The following COL11A2 variants were observed in gnomAD, a reference collection of about 807,000 sequenced individuals.
COL11A2 encodes the protein collagen type XI alpha 2 chain.
A neutral mutation model predicts 273.4 loss-of-function variants in COL11A2; 116 were observed. The ratio of observed to expected loss-of-function variants is 0.42; its 90% CI spans 0.36 to 0.49. The LOEUF (loss-of-function observed/expected upper bound fraction) is 0.49. COL11A2 is among the 20% of genes least tolerant of loss of function. COL11A2 has a pLI of 0.00. For synonymous variants in COL11A2, 782 were observed against 864.2 expected (o/e 0.90, Z 1.67); for missense variants, 1,866 against 2,309.0 (o/e 0.81, Z 3.93).
chr6:33,179,315 G>A lies in COL11A2; in HGVS notation c.1504-31C>T, dbSNP rs750263013. On this transcript the variant is annotated intron_variant, in intron 14 of 65. Coordinates refer to ENST00000341947, the MANE Select transcript of COL11A2 (RefSeq NM_080680.3). This position sits in a 1 kb window ranked among gnomAD's most constrained non-coding sequence, Gnocchi z 6.4. ...AGAGAGAAGAGAGGATGGCCGTAAG[G>A]AAGGACACAGCCAACAGTGGCCTCG... The A allele has an allele frequency of 5.6e-5, 89 of 1,601,814 alleles. No homozygotes were observed. The highest frequency in any genetic ancestry group is 7.3e-5 in the Non-Finnish European group (86 of 1,175,352).
Position 33,170,647 on chromosome 6 carries a change from C to A in COL11A2, c.3475-37G>T, listed in dbSNP as rs1382576382. 1.2e-6 allele frequency: 2 copies of A among 1,611,750 alleles called. No individual in the cohort carries two copies. Among genetic ancestry groups the A allele is most frequent in the African/African-American group, 2.7e-5 (2 of 74,838 alleles). On this transcript the variant is annotated intron_variant, in intron 46 of 65. Coordinates refer to ENST00000341947, the MANE Select transcript of COL11A2 (RefSeq NM_080680.3). The surrounding 1 kb of genome is among the most constrained non-coding windows in gnomAD (Gnocchi z 4.3). ...TACAAAACATGGGCCCAGGTGACGA[C>A]CCCACCCAAAGCACAGCCCTAGGCA...
chr6:33,169,116 A>T lies in COL11A2; in HGVS notation c.3799-108T>A, dbSNP rs1003817777. The T allele has an allele frequency of 9.1e-7, 1 of 1,096,700 alleles. No individual in the cohort carries two copies. Among genetic ancestry groups the T allele is most frequent in the Non-Finnish European group, 1.3e-6 (1 of 758,070 alleles). 67.9% of individuals were successfully genotyped at this position (1,096,700 alleles called of 1,614,324 possible). A position where few individuals can be genotyped will look rare whatever the true frequency, so the allele number is the denominator to read the frequency against. On this transcript the variant is annotated intron_variant, in intron 51 of 65. Transcript: ENST00000341947. This position sits in a 1 kb window ranked among gnomAD's most constrained non-coding sequence, Gnocchi z 5.5. ...CTCTCTAGAGGCAGTGCCCACCAGT[A>T]CCCCCCAGGAAGAGGTCTCCTGCAC...
chr6:33,189,090 G>T lies in COL11A2; in HGVS notation c.331C>A (p.Gln111Lys). 1 of 1,614,216 alleles carries T rather than the reference G, an allele frequency of 6.2e-7. No individual in the cohort carries two copies. Among genetic ancestry groups the T allele is most frequent in the Non-Finnish European group, 8.5e-7 (1 of 1,180,032 alleles). Residue 111 changes from glutamine (Q) to lysine (K), a missense_variant, in exon 3 of 66, where the codon CAG becomes AAG. Gln to Lys is a moderately conservative substitution (Grantham distance 53). Coordinates refer to ENST00000341947, the MANE Select transcript of COL11A2 (RefSeq NM_080680.3). This position sits in a 1 kb window ranked among gnomAD's most constrained non-coding sequence, Gnocchi z 5.6. ...LTLYSAQGVR[Q>K]LGLELGRPVR... Reference sequence around the variant, plus strand: ...GGTCGGCCCAGCTCCAGGCCCAGCTGTCGGACACCCTGGGCACTGTAGAGA... The same window carrying T: ...GGTCGGCCCAGCTCCAGGCCCAGCTTTCGGACACCCTGGGCACTGTAGAGA...
At position 33,177,717 on chromosome 6, in the gene COL11A2, A is replaced by G; in HGVS notation, c.1873-11T>C. On this transcript the variant is annotated splice_polypyrimidine_tract_variant and intron_variant, in intron 21 of 65. Transcript: ENST00000341947. This position sits in a 1 kb window ranked among gnomAD's most constrained non-coding sequence, Gnocchi z 5.9. Reference sequence around the variant, plus strand: ...CATGCCTCGGACGCCCTGAAACACAAGATGGGTGTGAGCAGCCTGAAGGTG... The same window carrying G: ...CATGCCTCGGACGCCCTGAAACACAGGATGGGTGTGAGCAGCCTGAAGGTG... The G allele has an allele frequency of 2.5e-6, 4 of 1,612,984 alleles. No individual in the cohort carries two copies. The highest frequency in any genetic ancestry group is 3.4e-6 in the Non-Finnish European group (4 of 1,180,014).
Position 33,177,276 on chromosome 6 carries a change from C to G in COL11A2, c.1972-51G>C. On this transcript the variant is annotated intron_variant, in intron 23 of 65. Transcript: ENST00000341947. The surrounding 1 kb of genome is among the most constrained non-coding windows in gnomAD (Gnocchi z 5.9). ...AGGGGCCTCCCAGGGTCTCTTCTAT[C>G]CAGCCTCCCGGATTCAAAGCATGAG... The G allele has an allele frequency of 6.2e-7, 1 of 1,610,964 alleles. No individual in the cohort carries two copies. Among genetic ancestry groups the G allele is most frequent in the Non-Finnish European group, 8.5e-7 (1 of 1,178,414 alleles).
At chr6:33,186,422 G>T in intron 5 of COL11A2, 1 of 1,436,144 alleles carries the variant, frequency 7.0e-7, no homozygotes, top group South Asian at 1.5e-5. Context: ...CGCAGAGCAG[G>T]GAACACAGCT....
Position 33,167,589 on chromosome 6 carries a change from G to A in COL11A2, c.4015-56C>T. 1 of 1,591,724 alleles carries A rather than the reference G, an allele frequency of 6.3e-7. No homozygotes were observed. Among genetic ancestry groups the A allele is most frequent in the Non-Finnish European group, 8.6e-7 (1 of 1,163,980 alleles). ...TGGCAGAGGAGTGGGGTGTGGGCAGGGGGCAGAGGGTCCAAGGTGGGAGGC... is the reference window on the plus strand; with the variant it reads ...TGGCAGAGGAGTGGGGTGTGGGCAGAGGGCAGAGGGTCCAAGGTGGGAGGC... On this transcript the variant is annotated intron_variant, in intron 55 of 65. Coordinates refer to ENST00000341947, the MANE Select transcript of COL11A2 (RefSeq NM_080680.3). This position sits in a 1 kb window ranked among gnomAD's most constrained non-coding sequence, Gnocchi z 6.1.
chr6:33,167,378 TG>T lies in COL11A2; in HGVS notation c.4122+47del. ...GCATCCCCACACTGCACCCCTCCCA[TG>T]GCCCCTCACTCCCACCCCAGCCCAG... On this transcript the variant is annotated intron_variant, in intron 56 of 65. Transcript: ENST00000341947. The surrounding 1 kb of genome is among the most constrained non-coding windows in gnomAD (Gnocchi z 6.1). The T allele has an allele frequency of 6.2e-7, 1 of 1,612,384 alleles. No individual in the cohort carries two copies. The highest frequency in any genetic ancestry group is 8.5e-7 in the Non-Finnish European group (1 of 1,179,618).
chr6:33,180,861 G>A (rs748933311), intron 10 of COL11A2, 103 bp downstream of exon 10: 20 of 1,552,558 alleles, frequency 1.3e-5, no homozygotes, highest in Non-Finnish European at 1.7e-5. Context: ...GGATGCTCCC[G>A]AGTTCTGAGG....
At chr6:33,182,495 T>C (rs535630118) in intron 8 of COL11A2, among the ~76,000 whole-genome samples, 1 of 152,186 alleles carries the variant, frequency 6.6e-6, no homozygotes, top group African/African-American at 2.4e-5. Flanking sequence ...GCAGCTTATT[T>C]GAGGTCAGTA....
Position 33,166,271 on chromosome 6 carries a change from G to T in COL11A2, c.4393-65C>A. 1 of 1,556,394 alleles carries T rather than the reference G, an allele frequency of 6.4e-7. No homozygotes were observed. On this transcript the variant is annotated intron_variant, in intron 60 of 65. Transcript: ENST00000341947. This position sits in a 1 kb window ranked among gnomAD's most constrained non-coding sequence, Gnocchi z 4.8. Reference sequence around the variant, plus strand: ...GGAAGGACAGGACTCAGAGGAGCGGGGAGGCAAGGTCCCAAGTCCACAGGA... The same window carrying T: ...GGAAGGACAGGACTCAGAGGAGCGGTGAGGCAAGGTCCCAAGTCCACAGGA...
At chr6:33,168,001 C>A in intron 54 of COL11A2, 149 bp from the exon 55 acceptor site, 1 of 821,706 alleles carries the variant, frequency 1.2e-6, no homozygotes, top group Non-Finnish European at 2.0e-6. Flanking sequence ...CACAGATGTG[C>A]AGAACAGATA....
chr6:33,165,713 G>A lies in COL11A2; in HGVS notation c.4586C>T (p.Pro1529Leu), dbSNP rs201315111. The change falls in exon 63 of 66, where the codon CCG becomes CTG. Residue 1529 changes from proline to leucine, a missense_variant. Pro to Leu is a moderately conservative substitution (Grantham distance 98). Coordinates refer to ENST00000341947, the MANE Select transcript of COL11A2 (RefSeq NM_080680.3). This position sits in a 1 kb window ranked among gnomAD's most constrained non-coding sequence, Gnocchi z 7.7. ...SRLMQEDEAI[P>L]TGGAPGSPGG... ...AGGACTGCCGGGGGCTCCCCCGGTC[G>A]GTATGGCCTCATCTTCCTGCATCAG... 90 of 1,611,158 alleles carry A rather than the reference G, an allele frequency of 5.6e-5. No individual in the cohort carries two copies. The highest frequency in any genetic ancestry group is 4.0e-4 in the South Asian group (36 of 91,074).
chr6:33,188,342 C>T lies in COL11A2; in HGVS notation c.606+20G>A, dbSNP rs1274855370. The T allele has an allele frequency of 3.7e-6, 6 of 1,612,836 alleles. No individual in the cohort carries two copies. The highest frequency in any genetic ancestry group is 3.3e-5 in the Admixed American group (2 of 60,008). On this transcript the variant is annotated intron_variant, in intron 4 of 65. Coordinates refer to ENST00000341947, the MANE Select transcript of COL11A2 (RefSeq NM_080680.3). Reference sequence around the variant, plus strand: ...GATAGGGGACCAGAAGTCAATCCTGCCTCTGATTGCTCTGGTTACCTCAAA... The same window carrying T: ...GATAGGGGACCAGAAGTCAATCCTGTCTCTGATTGCTCTGGTTACCTCAAA...
intron 5 of COL11A2, chr6:33,186,321 C>T: frequency 8.2e-7 from 1 of 1,226,758 alleles, no homozygotes; most frequent in Non-Finnish European, 1.1e-6. Flanking sequence ...CTCCCCAGCT[C>T]TCACCCCTCT....
At position 33,176,134 on chromosome 6, in the gene COL11A2, T is replaced by G; in HGVS notation, c.2215-65A>C. On this transcript the variant is annotated intron_variant, in intron 28 of 65. Coordinates refer to ENST00000341947, the MANE Select transcript of COL11A2 (RefSeq NM_080680.3). The surrounding 1 kb of genome is among the most constrained non-coding windows in gnomAD (Gnocchi z 4.9). Reference sequence around the variant, plus strand: ...AGGGCTGGGGTTCTAATGGGAATTCTGAGAACATAGGTGGAAGCAGGGGCT... The same window carrying G: ...AGGGCTGGGGTTCTAATGGGAATTCGGAGAACATAGGTGGAAGCAGGGGCT... 6.2e-7 allele frequency: 1 copy of G among 1,609,986 alleles called. No individual in the cohort carries two copies. The highest frequency in any genetic ancestry group is 8.5e-7 in the Non-Finnish European group (1 of 1,177,304).
Position 33,167,633 on chromosome 6 carries a change from G to A in COL11A2, c.4015-100C>T. The A allele has an allele frequency of 6.7e-7, 1 of 1,489,964 alleles. No homozygotes were observed. Among genetic ancestry groups the A allele is most frequent in the Non-Finnish European group, 9.2e-7 (1 of 1,081,368 alleles). The allele number at this position is 1,489,964 out of a possible 1,614,324, so 92.3% of individuals were successfully genotyped here. A position where few individuals can be genotyped will look rare whatever the true frequency, so the allele number is the denominator to read the frequency against. On this transcript the variant is annotated intron_variant, in intron 55 of 65. Coordinates refer to ENST00000341947, the MANE Select transcript of COL11A2 (RefSeq NM_080680.3). The surrounding 1 kb of genome is among the most constrained non-coding windows in gnomAD (Gnocchi z 6.1). The stretch of plus-strand genomic sequence containing the variant: ...GGGAGGCAGGAGGCAGGGAGGAAGG[G>A]CCAAACTCTAGGAGCCCCTAGCGCA...
chr6:33,170,203 G>C lies in COL11A2; in HGVS notation c.3583-103C>G. ...CCAAGGTTACAGCAGTGAGGCAGTG[G>C]AGGCCTCCCGGGAGTAAGGGCTTCT... On this transcript the variant is annotated intron_variant, in intron 48 of 65. Coordinates refer to ENST00000341947, the MANE Select transcript of COL11A2 (RefSeq NM_080680.3). The surrounding 1 kb of genome is among the most constrained non-coding windows in gnomAD (Gnocchi z 4.3). 1 of 1,574,434 alleles carries C rather than the reference G, an allele frequency of 6.4e-7. No homozygotes were observed. Among genetic ancestry groups the C allele is most frequent in the Non-Finnish European group, 8.7e-7 (1 of 1,145,668 alleles).
chr6:33,169,550 C>G lies in COL11A2; in HGVS notation c.3691-60G>C. 1 of 1,514,814 alleles carries G rather than the reference C, an allele frequency of 6.6e-7. No individual in the cohort carries two copies. Among genetic ancestry groups the G allele is most frequent in the Non-Finnish European group, 9.1e-7 (1 of 1,094,732 alleles). 93.8% of individuals were successfully genotyped at this position (1,514,814 alleles called of 1,614,324 possible). On this transcript the variant is annotated intron_variant, in intron 50 of 65. Transcript: ENST00000341947. This position sits in a 1 kb window ranked among gnomAD's most constrained non-coding sequence, Gnocchi z 5.5. ...GAATCTTGAAGATCAGGGATGCAGC[C>G]TCTGCTTCCGAGACACCTTCAGCCA...
Sources: gnomAD v4.1 joint callset for allele counts (sites outside exome capture counted in the v4.1 genomes callset) on GRCh38, gnomAD v4.1.1 for gene constraint, Gnocchi (gnomAD v3.1) non-coding constraint, MANE v1.5 for transcripts, NCBI Gene and HGNC (gene_info 2026-07-23, HGNC 2026-07-21) for gene names.